PACSIN2: variants seen among roughly 807,000 people sequenced by gnomAD.
The protein encoded by PACSIN2 is protein kinase C and casein kinase substrate in neurons 2, also known as protein kinase C and casein kinase substrate in neurons protein 2.
In PACSIN2, 25 loss-of-function variants were observed where a neutral mutation model predicts 63.8. The ratio of observed to expected loss-of-function variants is 0.39; its 90% CI spans 0.29 to 0.55. PACSIN2 has a LOEUF of 0.55. Ranked by LOEUF, PACSIN2 falls within the 20% of genes least tolerant of loss-of-function variation. The pLI is 0.62. For missense variants in PACSIN2, 518 were observed against 646.9 expected, an observed-to-expected ratio of 0.80 and a Z score of 2.16; for synonymous variants, 255 against 256.2, an observed-to-expected ratio of 1.00 and a Z score of 0.05.
At chr22:42,911,897 A>C (rs529500635) in intron 2 of PACSIN2, 124 bp downstream of exon 2, 1 of 699,734 alleles carries the variant, frequency 1.4e-6, no homozygotes, top group Non-Finnish European at 2.5e-6. Context: ...GTCTGACTAC[A>C]AATGCATGGC....
Position 43,015,144 on chromosome 22 carries a change from G to A in PACSIN2, c.-201C>T. 1 of 152,430 alleles carries A rather than the reference G, an allele frequency of 6.6e-6. No individual in the cohort carries two copies. The highest frequency in any genetic ancestry group is 1.5e-5 in the Non-Finnish European group (1 of 68,412). The allele number at this position is 152,430 out of a possible 1,614,324, so 9.4% of individuals were successfully genotyped here. A position where few individuals can be genotyped will look rare whatever the true frequency, so the allele number is the denominator to read the frequency against. ...CAGCCCTGCCCAGACCCCTGCGGCC[G>A]CTTCTGCCGCCAGCCGCGACCGCAC... On this transcript the variant is annotated 5_prime_UTR_variant, in exon 1 of 11. Transcript: ENST00000263246.
chr22:42,994,241 C>T (rs1365301671), intron 1 of PACSIN2, among the ~76,000 whole-genome samples: 2 of 152,212 alleles, frequency 1.3e-5, no homozygotes, highest in African/African-American at 4.8e-5. Context: ...AAGGGCTGAG[C>T]AGGGGGACAG....
At chr22:42,983,817 T>C (rs1053754713) in intron 1 of PACSIN2, among the ~76,000 whole-genome samples, 1 of 152,164 alleles carries the variant, frequency 6.6e-6, no homozygotes, top group African/African-American at 2.4e-5. Context: ...GTCTTTGTTC[T>C]TCAGTTAACT....
At chr22:42,928,994 T>C (rs1037915807) in intron 1 of PACSIN2, among the ~76,000 whole-genome samples, 2 of 152,248 alleles carry the variant, frequency 1.3e-5, no homozygotes, top group Admixed American at 1.3e-4. Context: ...TTTAAAATGT[T>C]TTAAGACAGC....
intron 1 of PACSIN2, among the ~76,000 whole-genome samples, chr22:42,989,966 TA>T (rs887873939): frequency 1.7e-5 from 2 of 120,494 alleles, no homozygotes; most frequent in Admixed American, 8.7e-5. Context: ...TAAACAGGTT[TA>T]AAAAAAGAAG....
Position 42,884,390 on chromosome 22 carries a change from CCA to C in PACSIN2, c.779_780del (p.Val260GlyfsTer9). The C allele has an allele frequency of 6.2e-7, 1 of 1,608,734 alleles. No individual in the cohort carries two copies. The highest frequency in any genetic ancestry group is 8.5e-7 in the Non-Finnish European group (1 of 1,178,148). On this transcript the variant is annotated frameshift_variant, in exon 6 of 11. Transcript: ENST00000263246. LOFTEE classifies it high-confidence loss of function. ...TTTAGCTCAAAGGAAACTTACCCAG[CCA>C]CATTGGACAGGTCTAGGTGCTTCTG... is the stretch of plus-strand genomic sequence containing the variant. ...EVQKHLDLSNVAGYKAIYHDL... is the reference protein window; with the variant it reads ...EVQKHLDLSNXAGYKAIYHDL...
rs1380733877 is a variant in PACSIN2, at chr22:42,870,109, C to T, written c.*1248G>A. The T allele has an allele frequency of 1.3e-5, 2 of 152,120 alleles. No homozygotes were observed. The highest frequency in any genetic ancestry group is 2.9e-5 in the Non-Finnish European group (2 of 68,016). 9.4% of individuals were successfully genotyped at this position (152,120 alleles called of 1,614,324 possible). A position where few individuals can be genotyped will look rare whatever the true frequency, so the allele number is the denominator to read the frequency against. On this transcript the variant is annotated 3_prime_UTR_variant, in exon 11 of 11. Coordinates refer to ENST00000263246, the MANE Select transcript of PACSIN2 (RefSeq NM_001184970.3). Reference sequence around the variant, plus strand: ...CCTGCTCCCGGGCGACTCCGGGCAGCCCGAGACACTCGTGCTGCGGGTAAG... The same window carrying T: ...CCTGCTCCCGGGCGACTCCGGGCAGTCCGAGACACTCGTGCTGCGGGTAAG...
intron 4 of PACSIN2, among the ~76,000 whole-genome samples, chr22:42,889,988 A>G (rs896386685): frequency 4.7e-5 from 7 of 149,886 alleles, no homozygotes; most frequent in Admixed American, 3.4e-4. Flanking sequence ...CTGCACACGC[A>G]GAGCAGCCAA....
At chr22:42,884,289 G>A (rs1040423645) in intron 6 of PACSIN2, 97 bp downstream of exon 6, 28 of 1,132,970 alleles carry the variant, frequency 2.5e-5, no homozygotes, top group Middle Eastern at 2.3e-4. Flanking sequence ...CCTGATGAAC[G>A]CGCCATCCCA....
At chr22:42,894,962 T>G (rs1930175971) in intron 2 of PACSIN2, among the ~76,000 whole-genome samples, 2 of 152,170 alleles carry the variant, frequency 1.3e-5, no homozygotes, top group South Asian at 4.1e-4. Flanking sequence ...GGAAGGGCTG[T>G]CCCTGAGGCT....
intron 1 of PACSIN2, among the ~76,000 whole-genome samples, chr22:42,943,207 T>C (rs1933253734): frequency 6.6e-6 from 1 of 152,254 alleles, no homozygotes; most frequent in South Asian, 2.1e-4. Context: ...TGCTAGATTA[T>C]AGAAATATCG....
At chr22:42,997,843 T>G (rs1450118051) in intron 1 of PACSIN2, among the ~76,000 whole-genome samples, 1 of 152,102 alleles carries the variant, frequency 6.6e-6, no homozygotes, top group Non-Finnish European at 1.5e-5. Flanking sequence ...ATCACACCAC[T>G]GCACCCCAGC....
chr22:42,975,074 A>G (rs1022010355), intron 1 of PACSIN2, among the ~76,000 whole-genome samples: 8 of 152,266 alleles, frequency 5.3e-5, no homozygotes, highest in Admixed American at 1.3e-4. Context: ...CTTCTACTAC[A>G]TTGTAACAAG....
chr22:42,935,098 T>C (rs1932876483), intron 1 of PACSIN2, among the ~76,000 whole-genome samples: 1 of 150,066 alleles, frequency 6.7e-6, no homozygotes, highest in African/African-American at 2.5e-5. Context: ...TTTTTTTTTT[T>C]TTATTTTCAG....
chr22:42,902,123 G>A (rs752156721), intron 2 of PACSIN2, among the ~76,000 whole-genome samples: 7 of 152,222 alleles, frequency 4.6e-5, no homozygotes, highest in African/African-American at 7.2e-5. Context: ...ACTGCCATGC[G>A]ACTGTCCCTC....
In PACSIN2 at chr22:43,007,875, C is replaced by T. The variant is rs544984509; in HGVS notation, c.-78+7146G>A. Among the ~76,000 whole-genome samples, 8 of 152,340 alleles carry T rather than the reference C, an allele frequency of 5.3e-5. No homozygotes were observed. In the East Asian group the frequency reaches 1.2e-3, roughly 22 times the overall value. ...ACCTCTGACTCACCCTGCCTGTTGC[C>T]TTCCACCCACAGATGCTCCCTCCAC... is the stretch of plus-strand genomic sequence containing the variant. On this transcript the variant is annotated intron_variant, in intron 1 of 10. Transcript: ENST00000263246.
intron 1 of PACSIN2, among the ~76,000 whole-genome samples, chr22:42,943,556 G>A (rs1933271244): frequency 6.6e-6 from 1 of 152,204 alleles, no homozygotes; most frequent in South Asian, 2.1e-4. Context: ...GTTCCCTTCT[G>A]TTCCTGGTTT....
rs9623733 is a variant in PACSIN2, at chr22:42,987,693, G to A, written c.-78+27328C>T. ...ACTACAGGTGCGCACCACCACACCC[G>A]GCTAATTTTTTGTATTTTTAGTAGA... is the stretch of plus-strand genomic sequence containing the variant. On this transcript the variant is annotated intron_variant, in intron 1 of 10. Coordinates refer to ENST00000263246, the MANE Select transcript of PACSIN2 (RefSeq NM_001184970.3). Among the ~76,000 whole-genome samples the A allele has an allele frequency of 8.4e-3, 1,260 of 150,882 alleles. 23 individuals carry two copies. The highest frequency in any genetic ancestry group is 0.029 in the African/African-American group (1,185 of 41,168).
At chr22:42,934,493 G>A (rs1932850847) in intron 1 of PACSIN2, among the ~76,000 whole-genome samples, 1 of 152,124 alleles carries the variant, frequency 6.6e-6, no homozygotes, top group Admixed American at 6.6e-5. Flanking sequence ...CACCTCCTGG[G>A]GCCTCCCCAC....
Sources: allele counts gnomAD v4.1 joint callset (sites outside exome capture counted in the v4.1 genomes callset), GRCh38; gene constraint gnomAD v4.1.1; transcripts MANE v1.5; gene names NCBI Gene and HGNC (gene_info 2026-07-23, HGNC 2026-07-21).